The following APLF variants were observed in gnomAD, a reference collection of about 807,000 sequenced individuals.
The protein encoded by APLF is aprataxin and PNKP like factor.
APLF carries 61 observed loss-of-function variants against 55.6 expected under a neutral mutation model. The observed-to-expected ratio is 1.10, with a 90% CI of 0.89 to 1.36. APLF has a LOEUF of 1.36. Among genes scored for constraint, APLF ranks in the 40% most tolerant of loss-of-function variants. The pLI, the probability that APLF is intolerant of heterozygous loss-of-function variation, is 0.00. For missense variants in APLF, 611 were observed against 602.5 expected, an observed-to-expected ratio of 1.01 and a Z score of -0.15; for synonymous variants, 207 against 214.8, an observed-to-expected ratio of 0.96 and a Z score of 0.32.
intron 9 of APLF, among the ~76,000 whole-genome samples, chr2:68,572,387 T>C (rs1671494256): frequency 6.6e-6 from 1 of 152,162 alleles, no homozygotes; most frequent in African/African-American, 2.4e-5. Context: ...TGAGGCAAAA[T>C]ATTTATTTAC....
chr2:68,549,086 T>A (rs1670787164), intron 8 of APLF, among the ~76,000 whole-genome samples: 1 of 152,028 alleles, frequency 6.6e-6, no homozygotes, highest in African/African-American at 2.4e-5. Context: ...TCATTTTTTT[T>A]AACAGTTTAT....
At chr2:68,542,709 G>A (rs1473530225) in intron 7 of APLF, among the ~76,000 whole-genome samples, 1 of 152,092 alleles carries the variant, frequency 6.6e-6, no homozygotes. Flanking sequence ...ATTGTTGATG[G>A]GAGTGTAAAT....
At chr2:68,518,351 A>C (rs1203299652) in intron 5 of APLF, among the ~76,000 whole-genome samples, 1 of 112,700 alleles carries the variant, frequency 8.9e-6, no homozygotes, top group African/African-American at 3.7e-5. Context: ...ATTATATATT[A>C]ATATAGCAAT....
chr2:68,475,921 A>G (rs1675757976), intron 1 of APLF, among the ~76,000 whole-genome samples: 2 of 151,572 alleles, frequency 1.3e-5, no homozygotes, highest in Admixed American at 1.3e-4. Flanking sequence ...CTGCTCCACA[A>G]AAGTAGAAGG....
At chr2:68,483,973 T>C (rs1676049034) in intron 1 of APLF, among the ~76,000 whole-genome samples, 2 of 152,296 alleles carry the variant, frequency 1.3e-5, no homozygotes, top group Middle Eastern at 3.4e-3. Context: ...TACCACCCTA[T>C]TCTATTTCAA....
At chr2:68,479,811 C>T (rs1363423488) in intron 1 of APLF, among the ~76,000 whole-genome samples, 2 of 152,116 alleles carry the variant, frequency 1.3e-5, no homozygotes, top group African/African-American at 4.8e-5. Flanking sequence ...CTTCTACCTC[C>T]TTTACCTTTT....
intron 1 of APLF, among the ~76,000 whole-genome samples, chr2:68,479,706 C>CT (rs906002587): frequency 2.6e-5 from 4 of 151,732 alleles, no homozygotes; most frequent in East Asian, 3.9e-4. Flanking sequence ...TGTATAAAAA[C>CT]TTTTTTTTTA....
intron 1 of APLF, among the ~76,000 whole-genome samples, chr2:68,481,420 A>G (rs1675954570): frequency 6.6e-6 from 1 of 152,040 alleles, no homozygotes; most frequent in Admixed American, 6.6e-5. Flanking sequence ...TTCAGCACTA[A>G]ACATATCATG....
intron 5 of APLF, 135 bp downstream of exon 5, chr2:68,513,815 T>C: frequency 1.0e-6 from 1 of 952,466 alleles, no homozygotes; most frequent in Non-Finnish European, 1.5e-6. Flanking sequence ...CCTAGCCTAG[T>C]TTTTTTAGTT....
chr2:68,516,913 A>G (rs1480376602), intron 5 of APLF, among the ~76,000 whole-genome samples: 2 of 129,014 alleles, frequency 1.6e-5, no homozygotes, highest in Non-Finnish European at 3.1e-5. Context: ...TATATATCCT[A>G]TATAACATTA....
chr2:68,523,312 G>A (rs1669944435), intron 5 of APLF, among the ~76,000 whole-genome samples: 1 of 151,824 alleles, frequency 6.6e-6, no homozygotes, highest in African/African-American at 2.4e-5. Flanking sequence ...TCCACTGTTG[G>A]CAGAAAGGAG....
In APLF at chr2:68,495,897, C is replaced by T. The variant is rs1676530929; in HGVS notation, c.168+5636C>T. On this transcript the variant is annotated intron_variant, in intron 2 of 9. Transcript: ENST00000303795. ...AAGCTGTATGTGGGGTCCTTTGAGC[C>T]ATGGCTGGAGCCAGAGCAGTGGGAA... 2.0e-5 allele frequency among the ~76,000 whole-genome samples: 3 copies of T among 152,198 alleles called. No homozygotes were observed. In the South Asian group the frequency reaches 6.2e-4, roughly 32 times the overall value.
chr2:68,568,335 G>A, intron 9 of APLF: 1 of 983,168 alleles, frequency 1.0e-6, no homozygotes, highest in South Asian at 4.7e-5. Flanking sequence ...CATACAAACA[G>A]CTGACTTGTA....
intron 6 of APLF, among the ~76,000 whole-genome samples, chr2:68,530,632 A>G (rs933415331): frequency 6.6e-6 from 1 of 152,232 alleles, no homozygotes; most frequent in Non-Finnish European, 1.5e-5. Flanking sequence ...TAGTAGATCA[A>G]TGTATTGGAT....
At chr2:68,516,773 CTT>C (rs1027499531) in intron 5 of APLF, among the ~76,000 whole-genome samples, 6 of 146,790 alleles carry the variant, frequency 4.1e-5, no homozygotes, top group African/African-American at 1.5e-4. Context: ...TATTTCATTC[CTT>C]TTTATGGCTG....
chr2:68,538,002 AAAG>A lies in APLF; in HGVS notation c.938_940del (p.Arg313del), dbSNP rs139666972. The A allele has an allele frequency of 0.067, 107,830 of 1,613,982 alleles. 4,098 individuals carry two copies. Among genetic ancestry groups the A allele is most frequent in the South Asian group, 0.074 (6,733 of 91,060 alleles). Reference sequence around the variant, plus strand: ...GTTTCTAAACATAAAATTGCCACTAAAAGAACACCACATAAAGAAGATGAGGCA... The same window carrying A: ...GTTTCTAAACATAAAATTGCCACTAAAACACCACATAAAGAAGATGAGGCA... On this transcript the variant is annotated inframe_deletion, in exon 7 of 10. Transcript: ENST00000303795.
At chr2:68,471,910 C>G (rs571156480) in intron 1 of APLF, among the ~76,000 whole-genome samples, 1 of 152,204 alleles carries the variant, frequency 6.6e-6, no homozygotes, top group East Asian at 1.9e-4. Context: ...CCAAGATGGT[C>G]AGGGTACAGC....
intron 2 of APLF, among the ~76,000 whole-genome samples, chr2:68,496,664 A>G (rs2103920956): frequency 6.6e-6 from 1 of 152,346 alleles, no homozygotes; most frequent in East Asian, 1.9e-4. Flanking sequence ...TTCCTCTACC[A>G]GATTCCCTAA....
chr2:68,501,220 T>C (rs954696706), intron 2 of APLF, among the ~76,000 whole-genome samples: 65 of 152,334 alleles, frequency 4.3e-4, no homozygotes, highest in African/African-American at 1.4e-3. Context: ...CAGATTCTTA[T>C]GAAATTGAAT....
Sources: allele counts gnomAD v4.1 joint callset (sites outside exome capture counted in the v4.1 genomes callset), GRCh38; gene constraint gnomAD v4.1.1; transcripts MANE v1.5; gene names NCBI Gene and HGNC (gene_info 2026-07-23, HGNC 2026-07-21).